The following TRRAP variants were observed in gnomAD, a reference collection of about 807,000 sequenced individuals.
The protein encoded by TRRAP is transformation/transcription domain associated protein.
A neutral mutation model predicts 438.8 loss-of-function variants in TRRAP; 41 were observed. The observed-to-expected ratio is 0.09, with a 90% CI of 0.07 to 0.12. The LOEUF is 0.12. Ranked by LOEUF, TRRAP falls within the 10% of genes least tolerant of loss-of-function variation. The pLI, the probability that TRRAP is intolerant of heterozygous loss-of-function variation, is 1.00. For missense variants in TRRAP, 3,122 were observed against 5,055.1 expected (o/e 0.62, Z 11.60); for synonymous variants, 1,994 against 1,962.9 (o/e 1.02, Z -0.42).
At position 99,012,721 on chromosome 7, in the gene TRRAP, A is replaced by G. The variant is rs1317518259; in HGVS notation, c.*366A>G. The G allele has an allele frequency of 8.8e-6, 2 of 227,776 alleles. No homozygotes were observed. Among genetic ancestry groups the G allele is most frequent in the African/African-American group, 4.6e-5 (2 of 43,780 alleles). 14.1% of individuals were successfully genotyped at this position (227,776 alleles called of 1,614,324 possible). A position where few individuals can be genotyped will look rare whatever the true frequency, so the allele number is the denominator to read the frequency against. On this transcript the variant is annotated 3_prime_UTR_variant, in exon 73 of 73. Coordinates refer to ENST00000456197, the MANE Select transcript of TRRAP (RefSeq NM_001375524.1). This position sits in a 1 kb window ranked among gnomAD's most constrained non-coding sequence, Gnocchi z 5.9. ...CTGTACGAACAGCTCCCTTCCATCC[A>G]TTTTTAACTCTTTCGGAAATAACAC...
intron 30 of TRRAP, among the ~76,000 whole-genome samples, chr7:98,939,521 A>G (rs920646390): frequency 2.0e-5 from 3 of 152,262 alleles, no homozygotes; most frequent in African/African-American, 7.2e-5. Context: ...ATAATACATT[A>G]TAATTGAAAA....
chr7:98,944,435 G>A (rs1790949122), intron 31 of TRRAP, among the ~76,000 whole-genome samples: 1 of 152,184 alleles, frequency 6.6e-6, no homozygotes. Context: ...GGATGGAGTC[G>A]TGGATACTGG....
chr7:98,944,831 C>T (rs1165776744), intron 31 of TRRAP, among the ~76,000 whole-genome samples: 2 of 151,818 alleles, frequency 1.3e-5, no homozygotes, highest in Non-Finnish European at 2.9e-5. Flanking sequence ...TTCTTTGAGA[C>T]GGAGCCTCTG....
intron 14 of TRRAP, among the ~76,000 whole-genome samples, chr7:98,909,497 G>C (rs1554408206): frequency 6.6e-6 from 1 of 152,234 alleles, no homozygotes; most frequent in Non-Finnish European, 1.5e-5. Context: ...CGCTGTGGGA[G>C]TTAAATCAGG....
intron 12 of TRRAP, among the ~76,000 whole-genome samples, 187 bp downstream of exon 12, chr7:98,903,704 C>T (rs1415021468): frequency 8.5e-5 from 13 of 152,074 alleles, no homozygotes; most frequent in East Asian, 5.8e-4. Flanking sequence ...TCTGTTTTCA[C>T]GCTGCTGATA....
chr7:98,993,442 A>G, intron 65 of TRRAP, 96 bp from the exon 66 acceptor site: 1 of 1,334,912 alleles, frequency 7.5e-7, no homozygotes. Flanking sequence ...CGCCGGCAGG[A>G]ACCAGCGCTC....
chr7:98,923,137 C>G (rs782012343), intron 21 of TRRAP, among the ~76,000 whole-genome samples: 2 of 152,196 alleles, frequency 1.3e-5, no homozygotes, highest in Non-Finnish European at 2.9e-5. Flanking sequence ...CACATACTTT[C>G]CAAATGAATG....
At chr7:99,008,634 G>C (rs947036326) in intron 70 of TRRAP, 73 bp downstream of exon 70, 114 of 1,519,256 alleles carry the variant, frequency 7.5e-5, no homozygotes, top group Non-Finnish European at 8.9e-7. Context: ...CCTGGAGACA[G>C]GGGTGTTTAG....
intron 11 of TRRAP, among the ~76,000 whole-genome samples, chr7:98,903,086 A>G (rs1214263979): frequency 6.6e-6 from 1 of 151,608 alleles, no homozygotes; most frequent in Non-Finnish European, 1.5e-5. Flanking sequence ...CAGTGGCTTG[A>G]TCTTGCCTCA....
At chr7:98,945,583 G>A (rs1428891681) in intron 31 of TRRAP, among the ~76,000 whole-genome samples, 164 bp from the exon 32 acceptor site, 2 of 152,320 alleles carry the variant, frequency 1.3e-5, no homozygotes, top group East Asian at 3.9e-4. Flanking sequence ...AGGTGAAAGT[G>A]TGCTTTTTGC....
chr7:98,981,955 C>G lies in TRRAP; in HGVS notation c.8821C>G (p.Leu2941Val). ...HVVSHVHTPL[L>V]QAAQQIIELQ... ...AGTGTCCCACGTGCACACGCCTCTC[C>G]TACAGGTGCGTGCGGTGCCCCCATG... The change falls in exon 59 of 73, where the codon CTA becomes GTA. Residue 2941 changes from leucine to valine, a missense_variant. By Grantham distance (32) the Leu-to-Val change is conservative. This residue lies in a region of TRRAP where 992 missense variants were observed against 1,281.2 expected (regional missense o/e 0.77). Transcript: ENST00000456197. 6.3e-7 allele frequency: 1 copy of G among 1,588,758 alleles called. No homozygotes were observed. Among genetic ancestry groups the G allele is most frequent in the Non-Finnish European group, 8.6e-7 (1 of 1,169,052 alleles).
intron 11 of TRRAP, among the ~76,000 whole-genome samples, chr7:98,903,158 A>G (rs1796551161): frequency 6.6e-6 from 1 of 152,086 alleles, no homozygotes; most frequent in African/African-American, 2.4e-5. Context: ...AGTAGCTGGG[A>G]TTACAGGCAT....
chr7:98,915,009 A>G (rs1554409362), intron 18 of TRRAP, among the ~76,000 whole-genome samples: 1 of 152,162 alleles, frequency 6.6e-6, no homozygotes, highest in Admixed American at 6.6e-5. Flanking sequence ...TAAAAAGTTA[A>G]TATGGTTTAA....
chr7:98,917,224 G>A (rs1789556186), intron 19 of TRRAP, among the ~76,000 whole-genome samples, 199 bp from the exon 20 acceptor site: 1 of 152,064 alleles, frequency 6.6e-6, no homozygotes, highest in Non-Finnish European at 1.5e-5. Context: ...GTTACATACG[G>A]CCTACTGTTA....
intron 53 of TRRAP, among the ~76,000 whole-genome samples, chr7:98,972,773 CT>C (rs1458137303): frequency 3.3e-5 from 5 of 152,204 alleles, no homozygotes; most frequent in Non-Finnish European, 5.9e-5. Flanking sequence ...GCACAAACTA[CT>C]TTTCGCAAGT....
At chr7:98,988,055 T>C (rs903342178) in intron 62 of TRRAP, among the ~76,000 whole-genome samples, 6 of 152,252 alleles carry the variant, frequency 3.9e-5, no homozygotes, top group African/African-American at 7.2e-5. Context: ...CACTTGGTCA[T>C]GATGGATAAT....
intron 52 of TRRAP, 99 bp downstream of exon 52, chr7:98,970,390 C>T (rs568806825): frequency 1.6e-5 from 23 of 1,423,400 alleles, no homozygotes; most frequent in East Asian, 7.3e-5. Flanking sequence ...CCGTGCCCCA[C>T]GGGCAGAATC....
At chr7:98,975,601 G>A (rs190736937) in intron 53 of TRRAP, among the ~76,000 whole-genome samples, 29 of 152,302 alleles carry the variant, frequency 1.9e-4, no homozygotes, top group African/African-American at 6.7e-4. Context: ...CAGGCGTTCC[G>A]TTCCAGTCCG....
chr7:98,951,063 G>GTGTGTGTGTA, intron 39 of TRRAP, 59 bp downstream of exon 39: 1 of 1,175,962 alleles, frequency 8.5e-7, no homozygotes, highest in Admixed American at 3.2e-5. Context: ...GAACATCTGT[G>GTGTGTGTGTA]TGTGTGTGTG....
Sources: allele counts gnomAD v4.1 joint callset (sites outside exome capture counted in the v4.1 genomes callset), GRCh38; gene constraint gnomAD v4.1.1; regional missense constraint gnomAD v4.1.1; non-coding constraint Gnocchi (gnomAD v3.1); transcripts MANE v1.5; gene names NCBI Gene and HGNC (gene_info 2026-07-23, HGNC 2026-07-21).